The following FBXL17 variants were observed in gnomAD, a reference collection of about 807,000 sequenced individuals.
The protein encoded by FBXL17 is F-box/LRR-repeat protein 17.
Under a neutral mutation model 66.2 loss-of-function variants are expected in FBXL17, and 22 were observed. That is an observed-to-expected ratio of 0.33 (90% CI 0.24 to 0.47). The LOEUF is 0.47. Ranked by LOEUF, FBXL17 falls within the 20% of genes least tolerant of loss-of-function variation. The probability of loss-of-function intolerance (pLI) is 1.00; values close to 1 mark genes in which losing one functional copy is unlikely to be tolerated. For missense variants in FBXL17, 878 were observed against 948.2 expected, an observed-to-expected ratio of 0.93 and a Z score of 0.97; for synonymous variants, 474 against 400.5, an observed-to-expected ratio of 1.18 and a Z score of -2.19.
At chr5:108,356,776 A>G (rs1270665225) in intron 3 of FBXL17, among the ~76,000 whole-genome samples, 4 of 152,100 alleles carry the variant, frequency 2.6e-5, no homozygotes, top group Non-Finnish European at 5.9e-5. Context: ...GTCTAAACTC[A>G]TAGAATGTAC....
intron 7 of FBXL17, among the ~76,000 whole-genome samples, chr5:107,937,111 G>A (rs947594587): frequency 3.3e-5 from 5 of 151,796 alleles, no homozygotes; most frequent in Admixed American, 1.3e-4. Context: ...TAAAACCTGG[G>A]TAATAAATAA....
intron 6 of FBXL17, among the ~76,000 whole-genome samples, chr5:108,132,761 C>G (rs1750985975): frequency 6.6e-6 from 1 of 152,214 alleles, no homozygotes; most frequent in African/African-American, 2.4e-5. Context: ...TCTTACCATA[C>G]AAAGAAGTAT....
intron 7 of FBXL17, among the ~76,000 whole-genome samples, chr5:107,920,605 A>G (rs1240656403): frequency 6.6e-6 from 1 of 152,200 alleles, no homozygotes; most frequent in African/African-American, 2.4e-5. Context: ...TTCAAGGGAT[A>G]ATGAAGAGAT....
chr5:108,340,494 C>T (rs1255423415), intron 4 of FBXL17, among the ~76,000 whole-genome samples: 1 of 151,658 alleles, frequency 6.6e-6, no homozygotes, highest in East Asian at 1.9e-4. Flanking sequence ...TACAAGTCAA[C>T]ATAATTCTGA....
intron 7 of FBXL17, among the ~76,000 whole-genome samples, chr5:107,966,627 G>A (rs564918848): frequency 6.6e-5 from 10 of 152,114 alleles, no homozygotes; most frequent in African/African-American, 2.4e-4. Flanking sequence ...ATTTTTGTTC[G>A]ACCTCACTTC....
At chr5:108,341,408 A>G (rs1363997752) in intron 4 of FBXL17, among the ~76,000 whole-genome samples, 1 of 152,190 alleles carries the variant, frequency 6.6e-6, no homozygotes, top group Non-Finnish European at 1.5e-5. Flanking sequence ...GGACAACAGT[A>G]CGAATGTAAG....
intron 7 of FBXL17, among the ~76,000 whole-genome samples, chr5:108,012,162 T>A (rs191208102): frequency 6.6e-6 from 1 of 152,200 alleles, no homozygotes; most frequent in African/African-American, 2.4e-5. Context: ...AGCTTCCTCA[T>A]CTATTGAAAA....
intron 6 of FBXL17, among the ~76,000 whole-genome samples, chr5:108,097,498 T>C (rs1222903221): frequency 6.6e-6 from 1 of 152,132 alleles, no homozygotes; most frequent in African/African-American, 2.4e-5. Context: ...AACTTAAAGA[T>C]TATACCTTCA....
intron 7 of FBXL17, among the ~76,000 whole-genome samples, chr5:107,890,469 C>G (rs142578383): frequency 1.3e-5 from 2 of 151,820 alleles, no homozygotes; most frequent in Non-Finnish European, 2.9e-5. Flanking sequence ...CAAGACCAGC[C>G]TGGGCAACAT....
intron 6 of FBXL17, among the ~76,000 whole-genome samples, chr5:108,107,558 A>G (rs946322925): frequency 6.6e-6 from 1 of 152,024 alleles, no homozygotes; most frequent in African/African-American, 2.4e-5. Flanking sequence ...CAAGCCTGTA[A>G]TCCCAGCACT....
At position 108,380,772 on chromosome 5, in the gene FBXL17, G is replaced by T. The variant is rs1460138112; in HGVS notation, c.920C>A (p.Pro307His). The change falls in exon 1 of 9, where the codon CCC (proline) becomes CAC (histidine). Residue 307 changes from proline (P) to histidine (H), a missense_variant. By Grantham distance (77) the Pro-to-His change is moderately conservative. Transcript: ENST00000542267. ...GGGCGGCTCCCTGTGACAGTCGCAG[G>T]GGTTTTCGGGGGACTCCCGACAGTC... ...DADCRESPEN[P>H]CDCHREPPPE... The T allele has an allele frequency of 1.6e-5, 20 of 1,248,676 alleles. No individual in the cohort carries two copies. The highest frequency in any genetic ancestry group is 1.9e-5 in the Non-Finnish European group (19 of 988,510). 77.3% of individuals were successfully genotyped at this position (1,248,676 alleles called of 1,614,324 possible). A position where few individuals can be genotyped will look rare whatever the true frequency, so the allele number is the denominator to read the frequency against.
Position 108,381,726 on chromosome 5 carries a change from G to A in FBXL17, c.-35C>T. On this transcript the variant is annotated 5_prime_UTR_variant, in exon 1 of 9. Transcript: ENST00000542267. ...CCCGAGGAGGGGGACCGGGACGGGA[G>A]GGAGGGAGACCCAGAGAGGCGGGCT... 3.5e-6 allele frequency: 5 copies of A among 1,408,756 alleles called. No individual in the cohort carries two copies. The highest frequency in any genetic ancestry group is 2.2e-4 in the Middle Eastern group (1 of 4,456). 87.3% of individuals were successfully genotyped at this position (1,408,756 alleles called of 1,614,324 possible).
At chr5:107,950,142 G>A (rs569709691) in intron 7 of FBXL17, among the ~76,000 whole-genome samples, 1 of 152,246 alleles carries the variant, frequency 6.6e-6, no homozygotes, top group South Asian at 2.1e-4. Flanking sequence ...TGTTGAAGAA[G>A]GGGAACATTA....
At chr5:108,243,907 A>G (rs181866186) in intron 4 of FBXL17, among the ~76,000 whole-genome samples, 285 of 152,320 alleles carry the variant, frequency 1.9e-3, no homozygotes, top group Non-Finnish European at 3.5e-3. Flanking sequence ...GAAGGGTAAC[A>G]TATAAAGAAC....
chr5:108,252,460 A>G (rs1756399237), intron 4 of FBXL17, among the ~76,000 whole-genome samples: 1 of 152,172 alleles, frequency 6.6e-6, no homozygotes, highest in Non-Finnish European at 1.5e-5. Context: ...TTAAAAAAAA[A>G]AGAAACTAAT....
chr5:108,159,699 C>A (rs765845569), intron 6 of FBXL17, among the ~76,000 whole-genome samples: 1 of 152,098 alleles, frequency 6.6e-6, no homozygotes, highest in Non-Finnish European at 1.5e-5. Flanking sequence ...GTTATAGCAA[C>A]CTGAATAGAC....
At chr5:108,112,521 A>G (rs1206131836) in intron 6 of FBXL17, among the ~76,000 whole-genome samples, 2 of 152,260 alleles carry the variant, frequency 1.3e-5, no homozygotes, top group African/African-American at 2.4e-5. Flanking sequence ...TTAAAAATCA[A>G]TACCAAACAT....
chr5:108,359,298 C>T (rs1748197205), intron 3 of FBXL17, among the ~76,000 whole-genome samples: 1 of 151,872 alleles, frequency 6.6e-6, no homozygotes, highest in Non-Finnish European at 1.5e-5. Context: ...CTTTTCTGTC[C>T]TCTATCATGT....
At chr5:107,956,916 A>G (rs1386659439) in intron 7 of FBXL17, among the ~76,000 whole-genome samples, 1 of 152,204 alleles carries the variant, frequency 6.6e-6, no homozygotes, top group Non-Finnish European at 1.5e-5. Flanking sequence ...GCTTCAAAAT[A>G]AAGACAAATT....
Sources: allele counts gnomAD v4.1 joint callset (sites outside exome capture counted in the v4.1 genomes callset), GRCh38; gene constraint gnomAD v4.1.1; transcripts MANE v1.5; gene names NCBI Gene and HGNC (gene_info 2026-07-23, HGNC 2026-07-21).